SLC22A23: variants seen among roughly 807,000 people sequenced by gnomAD.
SLC22A23 encodes ion transporter protein.
Under a neutral mutation model 61.0 loss-of-function variants are expected in SLC22A23, and 26 were observed. The ratio of observed to expected loss-of-function variants is 0.43; its 90% CI spans 0.31 to 0.59. SLC22A23 has a LOEUF of 0.59. Among genes scored for constraint, SLC22A23 ranks in the 20% least tolerant of loss-of-function variants. The pLI is 0.11. For missense variants in SLC22A23, 796 were observed against 934.7 expected (o/e 0.85, Z 1.94); for synonymous variants, 430 against 413.9 (o/e 1.04, Z -0.47).
chr6:3,325,534 T>A (rs1763227078), intron 3 of SLC22A23, among the ~76,000 whole-genome samples: 1 of 152,234 alleles, frequency 6.6e-6, no homozygotes, highest in African/African-American at 2.4e-5. Context: ...ACCATTTAAT[T>A]AGGAAAACAA....
At chr6:3,378,053 A>C (rs1339243348) in intron 3 of SLC22A23, 1 of 152,214 alleles carries the variant, frequency 6.6e-6, no homozygotes, top group Non-Finnish European at 1.5e-5. Flanking sequence ...TTGTTATGGA[A>C]TCTGTTTACC....
In SLC22A23 at chr6:3,322,087, G is replaced by C. The variant is rs1328962143; in HGVS notation, c.1082+1747C>G. ...AACAAGGAATAGGGGCCAGGCAGGG[G>C]AAGACAGGAGCCAGGTGTGGCAAGA... On this transcript the variant is annotated intron_variant, in intron 4 of 9. Transcript: ENST00000406686. The surrounding 1 kb of genome is among the most constrained non-coding windows in gnomAD (Gnocchi z 4.1). Among the ~76,000 whole-genome samples the C allele has an allele frequency of 3.9e-5, 6 of 152,194 alleles. No individual in the cohort carries two copies. The South Asian group carries it at 6.2e-4, about 16-fold the overall frequency.
At chr6:3,404,225 A>G (rs2127503212) in intron 3 of SLC22A23, among the ~76,000 whole-genome samples, 1 of 152,218 alleles carries the variant, frequency 6.6e-6, no homozygotes, top group Admixed American at 6.5e-5. Flanking sequence ...ATCTACCTTC[A>G]CCAAATTCAA....
At position 3,317,828 on chromosome 6, in the gene SLC22A23, C is replaced by A. The variant is rs111894880; in HGVS notation, c.1082+6006G>T. Among the ~76,000 whole-genome samples the A allele has an allele frequency of 6.6e-6, 1 of 152,132 alleles. No individual in the cohort carries two copies. The highest frequency in any genetic ancestry group is 2.4e-5 in the African/African-American group (1 of 41,424). On this transcript the variant is annotated intron_variant, in intron 4 of 9. Transcript: ENST00000406686. The surrounding 1 kb of genome is among the most constrained non-coding windows in gnomAD (Gnocchi z 4.4). ...CTGCAAACCACACGAGAGGACCAGG[C>A]GAGCGCACCCTCCCATTCTCTGGCC...
intron 1 of SLC22A23, among the ~76,000 whole-genome samples, chr6:3,436,955 C>T (rs1771254577): frequency 6.6e-6 from 1 of 152,214 alleles, no homozygotes; most frequent in East Asian, 1.9e-4. Flanking sequence ...CTTCTGAAGA[C>T]TTAAAAACTT....
Position 3,365,309 on chromosome 6 carries a change from G to A in SLC22A23, c.914-41307C>T, listed in dbSNP as rs570718453. 4.6e-5 allele frequency among the ~76,000 whole-genome samples: 7 copies of A among 151,986 alleles called. No homozygotes were observed. The East Asian group carries it at 5.8e-4, about 13-fold the overall frequency. On this transcript the variant is annotated intron_variant, in intron 3 of 9. Coordinates refer to ENST00000406686, the MANE Select transcript of SLC22A23 (RefSeq NM_015482.2). Reference sequence around the variant, plus strand: ...TGCACTCCAGCCTGGGTGACAGAGCGAGATCCTGTCTCGAAAAAACAAACA... The same window carrying A: ...TGCACTCCAGCCTGGGTGACAGAGCAAGATCCTGTCTCGAAAAAACAAACA...
rs541507656 is a variant in SLC22A23, at chr6:3,453,489, A to G, written c.654+2417T>C. 2.3e-4 allele frequency among the ~76,000 whole-genome samples: 35 copies of G among 152,232 alleles called. No homozygotes were observed. In the South Asian group the frequency reaches 6.4e-3, roughly 28 times the overall value. ...CAGCCCTAAGATCCCTTTTAACTAC[A>G]ATAACCTGGGATTCTAACTGGCTTG... On this transcript the variant is annotated intron_variant, in intron 1 of 9. Transcript: ENST00000406686.
chr6:3,315,836 C>G (rs1762605873), intron 4 of SLC22A23, among the ~76,000 whole-genome samples: 1 of 151,710 alleles, frequency 6.6e-6, no homozygotes, highest in Admixed American at 6.6e-5. Flanking sequence ...TGCACTCCAG[C>G]CTGGGCGACA....
intron 3 of SLC22A23, among the ~76,000 whole-genome samples, chr6:3,399,208 A>G (rs1300096004): frequency 1.3e-5 from 2 of 152,118 alleles, no homozygotes; most frequent in East Asian, 3.9e-4. Context: ...CATGCAGAGG[A>G]AACGCCTCTT....
At chr6:3,370,432 T>C (rs1766139510) in intron 3 of SLC22A23, among the ~76,000 whole-genome samples, 1 of 152,258 alleles carries the variant, frequency 6.6e-6, no homozygotes, top group East Asian at 1.9e-4. Flanking sequence ...TCTGCACAGG[T>C]GTCGAAAGCA....
rs1423718538 is a variant in SLC22A23 at position 3,309,868 on chromosome 6, G to C, written c.1083-11650C>G. 6.6e-6 allele frequency among the ~76,000 whole-genome samples: 1 copy of C among 152,216 alleles called. No individual in the cohort carries two copies. The highest frequency in any genetic ancestry group is 1.5e-5 in the Non-Finnish European group (1 of 68,040). ...ACTGCACAGCAGGTGACCTAGGCCTGGCCATGCTAATACCCTGCCTGGGGC... is the reference window on the plus strand; with the variant it reads ...ACTGCACAGCAGGTGACCTAGGCCTCGCCATGCTAATACCCTGCCTGGGGC... On this transcript the variant is annotated intron_variant, in intron 4 of 9. Transcript: ENST00000406686. This position sits in a 1 kb window ranked among gnomAD's most constrained non-coding sequence, Gnocchi z 4.7.
chr6:3,410,206 G>C lies in SLC22A23; in HGVS notation c.895C>G (p.Leu299Val), dbSNP rs370166164. 72 of 1,613,228 alleles carry C rather than the reference G, an allele frequency of 4.5e-5. No homozygotes were observed. Among genetic ancestry groups the C allele is most frequent in the Non-Finnish European group, 5.8e-5 (68 of 1,179,784 alleles). ...FEGFCLAGII[L>V]TLYALRIELC... The stretch of plus-strand genomic sequence containing the variant: ...TACTTACGTAAAGCATACAAGGTGA[G>C]AATGATTCCAGCCAGGCAAAATCCT... Residue 299 changes from leucine to valine, a missense_variant, in exon 3 of 10, where the codon CTC (leucine) becomes GTC (valine). Leu to Val is a conservative substitution (Grantham distance 32, BLOSUM62 1). Transcript: ENST00000406686. The surrounding 1 kb of genome is among the most constrained non-coding windows in gnomAD (Gnocchi z 5.0).
At position 3,456,388 on chromosome 6, in the gene SLC22A23, G is replaced by A. The variant is rs746083751; in HGVS notation, c.172C>T (p.Pro58Ser). Residue 58 changes from proline (P) to serine (S), a missense_variant, in exon 1 of 10, where the codon CCT (proline) becomes TCT (serine). Coordinates refer to ENST00000406686, the MANE Select transcript of SLC22A23 (RefSeq NM_015482.2). This position sits in a 1 kb window ranked among gnomAD's most constrained non-coding sequence, Gnocchi z 7.1. ...AEIQPLPPLH[P>S]GGGPHPSCCS... ...CAGCTCGGGTGCGGGCCGCCTCCAGGATGCAGTGGGGGCAGCGGCTGGATC... is the reference window on the plus strand; with the variant it reads ...CAGCTCGGGTGCGGGCCGCCTCCAGAATGCAGTGGGGGCAGCGGCTGGATC... 17 of 1,530,064 alleles carry A rather than the reference G, an allele frequency of 1.1e-5. No homozygotes were observed. In the African/African-American group the frequency reaches 2.1e-4, roughly 19 times the overall value. 94.8% of individuals were successfully genotyped at this position (1,530,064 alleles called of 1,614,324 possible). A position where few individuals can be genotyped will look rare whatever the true frequency, so the allele number is the denominator to read the frequency against.
chr6:3,283,281 A>G (rs995497186), intron 9 of SLC22A23, among the ~76,000 whole-genome samples: 2 of 152,016 alleles, frequency 1.3e-5, no homozygotes, highest in Non-Finnish European at 2.9e-5. Context: ...AAAATGTAAA[A>G]ATTAGCCGGG....
intron 4 of SLC22A23, among the ~76,000 whole-genome samples, chr6:3,305,174 A>C (rs4413659): frequency 0.81 from 123,194 of 152,124 alleles, 50,116 homozygotes; most frequent in Non-Finnish European, 0.83. Flanking sequence ...GCTATAATTA[A>C]CCCCATCTTA....
chr6:3,376,378 G>A (rs960269611), intron 3 of SLC22A23, among the ~76,000 whole-genome samples: 4 of 152,110 alleles, frequency 2.6e-5, no homozygotes, highest in African/African-American at 9.7e-5. Context: ...TTTCTGAGCT[G>A]GGTTATAGTC....
Position 3,386,884 on chromosome 6 carries a change from C to T in SLC22A23, c.913+23304G>A, listed in dbSNP as rs1767346840. Reference sequence around the variant, plus strand: ...GGCCGGCACCCCAGGGCGGGGCAGGCACCCCAGGGTGCAGCAGGCCTTTCT... The same window carrying T: ...GGCCGGCACCCCAGGGCGGGGCAGGTACCCCAGGGTGCAGCAGGCCTTTCT... On this transcript the variant is annotated intron_variant, in intron 3 of 9. Coordinates refer to ENST00000406686, the MANE Select transcript of SLC22A23 (RefSeq NM_015482.2). This position sits in a 1 kb window ranked among gnomAD's most constrained non-coding sequence, Gnocchi z 4.4. 6.6e-6 allele frequency among the ~76,000 whole-genome samples: 1 copy of T among 152,230 alleles called. No homozygotes were observed. The highest frequency in any genetic ancestry group is 1.5e-5 in the Non-Finnish European group (1 of 68,028).
At chr6:3,403,736 T>C (rs1397659870) in intron 3 of SLC22A23, among the ~76,000 whole-genome samples, 1 of 152,214 alleles carries the variant, frequency 6.6e-6, no homozygotes, top group East Asian at 1.9e-4. Flanking sequence ...GGCTAATGGC[T>C]AAGAATTCAA....
chr6:3,451,261 G>C (rs754962996), intron 1 of SLC22A23, among the ~76,000 whole-genome samples: 3 of 152,212 alleles, frequency 2.0e-5, no homozygotes, highest in Non-Finnish European at 2.9e-5. Flanking sequence ...GCAGTGGCGC[G>C]ATCTCGCTCA....
Sources: gnomAD v4.1 joint callset for allele counts (sites outside exome capture counted in the v4.1 genomes callset) on GRCh38, gnomAD v4.1.1 for gene constraint, Gnocchi (gnomAD v3.1) non-coding constraint, MANE v1.5 for transcripts, NCBI Gene and HGNC (gene_info 2026-07-23, HGNC 2026-07-21) for gene names.